Variants in ELF5 observed in about 807,000 individuals in gnomAD.
ELF5 encodes the protein ETS-related transcription factor Elf-5.
In ELF5, 31 loss-of-function variants were observed where a neutral mutation model predicts 38.2. The ratio of observed to expected loss-of-function variants is 0.81; its 90% CI spans 0.61 to 1.10. The LOEUF is 1.10. Ranked by LOEUF, ELF5 falls within the 50% of genes least tolerant of loss-of-function variation. The pLI is 0.00. For missense variants in ELF5, 300 were observed against 306.6 expected (o/e 0.98, Z 0.16); for synonymous variants, 121 against 112.5 (o/e 1.08, Z -0.48).
intron 2 of ELF5, among the ~76,000 whole-genome samples, chr11:34,496,823 C>G (rs1257856851): frequency 1.3e-5 from 2 of 152,104 alleles, no homozygotes; most frequent in Non-Finnish European, 1.5e-5. Flanking sequence ...CGGGGACTGA[C>G]GGGACCCCTG....
intron 4 of ELF5, among the ~76,000 whole-genome samples, chr11:34,487,704 C>T (rs11032724): frequency 0.29 from 44,777 of 151,856 alleles, 8,698 homozygotes; most frequent in Non-Finnish European, 0.42. Context: ...CTACTGATGC[C>T]GTGAGTGTTA....
At position 34,480,937 on chromosome 11, in the gene ELF5, A is replaced by C. The variant is rs748422640; in HGVS notation, c.506T>G (p.Val169Gly). The C allele has an allele frequency of 6.2e-7, 1 of 1,613,942 alleles. No individual in the cohort carries two copies. The highest frequency in any genetic ancestry group is 2.2e-5 in the East Asian group (1 of 44,866). The change falls in exon 6 of 7, where the codon GTA (valine) becomes GGA (glycine). Residue 169 changes from valine (V) to glycine (G), a missense_variant. Physicochemically the swap from Val to Gly is moderately radical, Grantham distance 109. Coordinates refer to ENST00000257832, the MANE Select transcript of ELF5 (RefSeq NM_001422.4). ...SLQSSHLWEF[V>G]RDLLLSPEEN... ...TTCAGGAGATAGAAGCAGGTCTCGTACAAATTCCCATAGATGAGAACTTTG... is the reference window on the plus strand; with the variant it reads ...TTCAGGAGATAGAAGCAGGTCTCGTCCAAATTCCCATAGATGAGAACTTTG...
chr11:34,489,109 C>T (rs567524003), intron 4 of ELF5, among the ~76,000 whole-genome samples: 3 of 152,362 alleles, frequency 2.0e-5, no homozygotes, highest in South Asian at 2.1e-4. Context: ...TGCTTAAGCC[C>T]GTAGCGTGTG....
chr11:34,493,429 G>A (rs1172814477), intron 3 of ELF5, 50 bp downstream of exon 3: 1 of 1,543,730 alleles, frequency 6.5e-7, no homozygotes, highest in Non-Finnish European at 8.9e-7. Context: ...AAAGTTGTTT[G>A]GTCCTAATCC....
chr11:34,489,491 G>C (rs1435102555), intron 4 of ELF5, among the ~76,000 whole-genome samples: 1 of 152,136 alleles, frequency 6.6e-6, no homozygotes, highest in African/African-American at 2.4e-5. Flanking sequence ...TCCCTTTCCC[G>C]AGCCTTCTTC....
chr11:34,507,947 A>T (rs902921132), intron 1 of ELF5, among the ~76,000 whole-genome samples: 1 of 152,224 alleles, frequency 6.6e-6, no homozygotes, highest in African/African-American at 2.4e-5. Context: ...CAATCCATAT[A>T]CTACGAGCAC....
intron 1 of ELF5, among the ~76,000 whole-genome samples, chr11:34,510,955 G>T (rs1164597287): frequency 1.3e-5 from 2 of 152,096 alleles, no homozygotes; most frequent in Non-Finnish European, 2.9e-5. Context: ...GGACTAGCTG[G>T]CTCATCATGG....
intron 2 of ELF5, among the ~76,000 whole-genome samples, chr11:34,500,778 C>T (rs181972338): frequency 8.5e-5 from 13 of 152,360 alleles, no homozygotes; most frequent in Admixed American, 8.5e-4. Flanking sequence ...TGTATCTGCT[C>T]TCAAGCTTCT....
intron 2 of ELF5, among the ~76,000 whole-genome samples, chr11:34,495,972 G>A (rs1850306239): frequency 6.6e-6 from 1 of 152,258 alleles, no homozygotes; most frequent in African/African-American, 2.4e-5. Flanking sequence ...TGCGGGCCCT[G>A]CCCTAGATGG....
chr11:34,491,202 T>TAGTG (rs1850162909), intron 3 of ELF5, among the ~76,000 whole-genome samples: 1 of 152,154 alleles, frequency 6.6e-6, no homozygotes, highest in Non-Finnish European at 1.5e-5. Context: ...GGATGAAAGG[T>TAGTG]AGTGCTATGG....
chr11:34,510,944 G>A (rs1255674016), intron 1 of ELF5, among the ~76,000 whole-genome samples: 1 of 152,162 alleles, frequency 6.6e-6, no homozygotes, highest in Non-Finnish European at 1.5e-5. Flanking sequence ...CATTTTGTGA[G>A]GGACTAGCTG....
intron 5 of ELF5, 82 bp from the exon 6 acceptor site, chr11:34,481,049 G>GCAAGAC: frequency 8.9e-7 from 1 of 1,125,644 alleles, no homozygotes; most frequent in Non-Finnish European, 1.2e-6. Flanking sequence ...TTGAGACAGA[G>GCAAGAC]TCTTGCTCTG....
chr11:34,482,355 A>T, intron 5 of ELF5, 76 bp downstream of exon 5: 1 of 1,373,630 alleles, frequency 7.3e-7, no homozygotes, highest in Non-Finnish European at 1.0e-6. Context: ...TTAGTTTCAA[A>T]GCTTATTAAA....
At chr11:34,484,016 T>C (rs1270803574) in intron 4 of ELF5, among the ~76,000 whole-genome samples, 1 of 151,618 alleles carries the variant, frequency 6.6e-6, no homozygotes, top group Non-Finnish European at 1.5e-5. Flanking sequence ...AACTGTATTG[T>C]ACTGTACTAA....
intron 3 of ELF5, 108 bp downstream of exon 3, chr11:34,493,371 G>A (rs2231823): frequency 0.046 from 48,105 of 1,038,448 alleles, 1,375 homozygotes; most frequent in Non-Finnish European, 0.06. Flanking sequence ...GAGAACTCCA[G>A]TTAGTAAAAT....
rs755707232 is a variant in ELF5, at chr11:34,493,515, A to G, written c.319T>C (p.Tyr107His). 6.2e-6 allele frequency: 10 copies of G among 1,613,894 alleles called. No individual in the cohort carries two copies. The highest frequency in any genetic ancestry group is 1.6e-4 in the Middle Eastern group (1 of 6,084). The part of the protein sequence containing the change: ...FVEAAGLCGE[Y>H]LYFILQNIRT... Reference sequence around the variant, plus strand: ...ATGTTCTGGAGGATGAAGTACAGGTACTCGCCGCAGAGGCCAGCTGCCTCG... The same window carrying G: ...ATGTTCTGGAGGATGAAGTACAGGTGCTCGCCGCAGAGGCCAGCTGCCTCG... Residue 107 changes from tyrosine (Y) to histidine (H), a missense_variant, in exon 3 of 7, where the codon TAC becomes CAC. By Grantham distance (83) the Tyr-to-His change is moderately conservative. Coordinates refer to ENST00000257832, the MANE Select transcript of ELF5 (RefSeq NM_001422.4).
intron 1 of ELF5, among the ~76,000 whole-genome samples, chr11:34,508,487 A>G (rs1049868312): frequency 2.6e-5 from 4 of 152,198 alleles, no homozygotes; most frequent in African/African-American, 4.8e-5. Flanking sequence ...TGGGCGACAG[A>G]GCAAGACTAT....
chr11:34,501,698 A>G (rs746370368), intron 2 of ELF5, among the ~76,000 whole-genome samples: 7 of 151,990 alleles, frequency 4.6e-5, no homozygotes, highest in Non-Finnish European at 7.4e-5. Flanking sequence ...TGCAATCTGG[A>G]CTGTCCAACC....
At position 34,479,488 on chromosome 11, in the gene ELF5, A is replaced by C. The variant is rs1856875605; in HGVS notation, c.*730T>G. ...GAGTGGTCAAAAAGATGCTCTGGTT[A>C]GGAAACTTTCTGTGAACCTATGTTA... On this transcript the variant is annotated 3_prime_UTR_variant, in exon 7 of 7. Transcript: ENST00000257832. 6.6e-6 allele frequency: 1 copy of C among 152,246 alleles called. No homozygotes were observed. The highest frequency in any genetic ancestry group is 2.4e-5 in the African/African-American group (1 of 41,466). The allele number at this position is 152,246 out of a possible 1,614,324, so 9.4% of individuals were successfully genotyped here.
Sources: allele counts gnomAD v4.1 joint callset (sites outside exome capture counted in the v4.1 genomes callset), GRCh38; gene constraint gnomAD v4.1.1; transcripts MANE v1.5; gene names NCBI Gene and HGNC (gene_info 2026-07-23, HGNC 2026-07-21).